Variants in EGFR observed in about 807,000 individuals in gnomAD.
EGFR encodes epidermal growth factor receptor, also known as avian erythroblastic leukemia viral (v-erb-b) oncogene homolog.
In EGFR, 58 loss-of-function variants were observed where a neutral mutation model predicts 143.0. The ratio of observed to expected loss-of-function variants is 0.41; its 90% CI spans 0.33 to 0.50. The LOEUF (loss-of-function observed/expected upper bound fraction) is 0.50. Among genes scored for constraint, EGFR ranks in the 20% least tolerant of loss-of-function variants. The pLI, the probability that EGFR is intolerant of heterozygous loss-of-function variation, is 0.39. For missense variants in EGFR, 1,307 were observed against 1,579.0 expected, an observed-to-expected ratio of 0.83 and a Z score of 2.92; for synonymous variants, 613 against 594.4, an observed-to-expected ratio of 1.03 and a Z score of -0.45.
At chr7:55,154,346 G>C (rs1364793132) in intron 7 of EGFR, among the ~76,000 whole-genome samples, 194 bp downstream of exon 7, 1 of 152,234 alleles carries the variant, frequency 6.6e-6, no homozygotes, top group Admixed American at 6.5e-5. Context: ...GAGCGGGCAG[G>C]TGGTGGCCAT....
At chr7:55,022,042 G>A (rs1026571936) in intron 1 of EGFR, among the ~76,000 whole-genome samples, 30 of 152,290 alleles carry the variant, frequency 2.0e-4, no homozygotes, top group African/African-American at 6.5e-4. Context: ...CCAGGGAGCC[G>A]GCTCATGACG....
At chr7:55,153,920 T>C in intron 6 of EGFR, 91 bp from the exon 7 acceptor site, 1 of 1,590,192 alleles carries the variant, frequency 6.3e-7, no homozygotes, top group Non-Finnish European at 8.6e-7. Context: ...TTGGGCTTTC[T>C]GACGGGAGTC....
At chr7:55,090,160 G>C (rs765286531) in intron 1 of EGFR, among the ~76,000 whole-genome samples, 12 of 152,036 alleles carry the variant, frequency 7.9e-5, no homozygotes, top group Non-Finnish European at 1.0e-4. Context: ...GTAGAGACAG[G>C]GTTTCACCAT....
chr7:55,205,149 G>A (rs1279304975), intron 27 of EGFR, 107 bp from the exon 28 acceptor site: 40 of 1,532,922 alleles, frequency 2.6e-5, no homozygotes, highest in Non-Finnish European at 3.4e-5. Flanking sequence ...CCTGCTCCCT[G>A]TCATAAGTCT....
intron 15 of EGFR, chr7:55,168,575 C>T (rs1297430352): frequency 6.2e-7 from 1 of 1,612,168 alleles, no homozygotes; most frequent in Non-Finnish European, 8.5e-7. Context: ...AACTGCATTT[C>T]CTTTCTACAA....
intron 1 of EGFR, among the ~76,000 whole-genome samples, chr7:55,116,152 C>T (rs1792827748): frequency 6.6e-6 from 1 of 152,194 alleles, no homozygotes. Flanking sequence ...GGCTTGACAA[C>T]ATCGATTCAA....
chr7:55,145,659 T>C (rs1459218736), intron 3 of EGFR, among the ~76,000 whole-genome samples: 1 of 152,236 alleles, frequency 6.6e-6, no homozygotes, highest in Non-Finnish European at 1.5e-5. Context: ...CCTGGGGAGC[T>C]GGGCATTGCT....
At chr7:55,132,290 A>G (rs529006673) in intron 1 of EGFR, among the ~76,000 whole-genome samples, 30 of 152,216 alleles carry the variant, frequency 2.0e-4, no homozygotes, top group Non-Finnish European at 3.4e-4. Flanking sequence ...AGAATTTCCA[A>G]TCCCAATTTT....
At chr7:55,152,334 C>T (rs548566111) in intron 5 of EGFR, 1 of 749,056 alleles carries the variant, frequency 1.3e-6, no homozygotes, top group East Asian at 2.5e-5. Flanking sequence ...TAGACTTGAT[C>T]TCATGAGTTC....
rs368038684 is a variant in EGFR, at chr7:55,143,539, T to A, written c.424+51T>A. On this transcript the variant is annotated intron_variant, in intron 3 of 27. Coordinates refer to ENST00000275493, the MANE Select transcript of EGFR (RefSeq NM_005228.5). ...GGGGTTCATAAATGCAGACAGCAGT[T>A]CCGATGGCTCCCAGCGAGCTTGTCA... 6.3e-6 allele frequency: 10 copies of A among 1,598,316 alleles called. No homozygotes were observed. In the African/African-American group the frequency reaches 8.0e-5, roughly 13 times the overall value.
chr7:55,178,474 C>T (rs551950514), intron 19 of EGFR, among the ~76,000 whole-genome samples: 7 of 152,310 alleles, frequency 4.6e-5, no homozygotes, highest in African/African-American at 1.4e-4. Flanking sequence ...GGGGCGCCTC[C>T]GACCCATTGG....
chr7:55,024,428 G>A (rs1786764336), intron 1 of EGFR, among the ~76,000 whole-genome samples: 1 of 152,178 alleles, frequency 6.6e-6, no homozygotes, highest in Non-Finnish European at 1.5e-5. Context: ...GGGTTTTCAA[G>A]GAGAGACTCG....
intron 1 of EGFR, among the ~76,000 whole-genome samples, chr7:55,029,204 T>G (rs1321251154): frequency 6.6e-6 from 1 of 152,226 alleles, no homozygotes; most frequent in Non-Finnish European, 1.5e-5. Context: ...TGTCACCTGT[T>G]GTTTTTTAAT....
Position 55,057,227 on chromosome 7 carries a change from G to A in EGFR, c.88+37862G>A, listed in dbSNP as rs535730465. Among the ~76,000 whole-genome samples the A allele has an allele frequency of 8.5e-5, 13 of 152,312 alleles. No individual in the cohort carries two copies. In the South Asian group the frequency reaches 2.7e-3, roughly 32 times the overall value. On this transcript the variant is annotated intron_variant, in intron 1 of 27. Transcript: ENST00000275493. ...TTAAAAGCTAGAGCAATCCTAAAAT[G>A]GAATTTGCTCTTTATAAAGTTGCGA...
chr7:55,158,879 C>T (rs1262819289), intron 11 of EGFR, among the ~76,000 whole-genome samples: 1 of 152,166 alleles, frequency 6.6e-6, no homozygotes, highest in African/African-American at 2.4e-5. Flanking sequence ...GACCACTCAT[C>T]TGTGTAGGAG....
intron 1 of EGFR, among the ~76,000 whole-genome samples, chr7:55,123,238 T>C (rs575459267): frequency 6.6e-6 from 1 of 152,342 alleles, no homozygotes; most frequent in Non-Finnish European, 1.5e-5. Flanking sequence ...TGGTACAACA[T>C]AGTACGTTTC....
At chr7:55,126,009 T>C (rs1271431898) in intron 1 of EGFR, among the ~76,000 whole-genome samples, 1 of 152,148 alleles carries the variant, frequency 6.6e-6, no homozygotes, top group Non-Finnish European at 1.5e-5. Flanking sequence ...CAGGCAGCCT[T>C]TCACAGTCCC....
At chr7:55,123,384 C>T (rs544366749) in intron 1 of EGFR, among the ~76,000 whole-genome samples, 1 of 152,266 alleles carries the variant, frequency 6.6e-6, no homozygotes, top group South Asian at 2.1e-4. Flanking sequence ...ATTGATATAT[C>T]ATTCCTTTTA....
intron 1 of EGFR, among the ~76,000 whole-genome samples, chr7:55,120,075 C>T (rs1230423398): frequency 1.3e-5 from 2 of 152,154 alleles, no homozygotes; most frequent in Non-Finnish European, 2.9e-5. Flanking sequence ...TTTTTGCAAA[C>T]CTGGATGGAC....
Sources: allele counts gnomAD v4.1 joint callset (sites outside exome capture counted in the v4.1 genomes callset), GRCh38; gene constraint gnomAD v4.1.1; transcripts MANE v1.5; gene names NCBI Gene and HGNC (gene_info 2026-07-23, HGNC 2026-07-21).